Variants in CACNB2 observed in about 807,000 individuals in gnomAD.
CACNB2 encodes calcium voltage-gated channel auxiliary subunit beta 2, also known as voltage-dependent L-type calcium channel subunit beta-2.
In CACNB2, 42 loss-of-function variants were observed where a neutral mutation model predicts 73.3. The observed-to-expected ratio is 0.57, with a 90% CI of 0.45 to 0.74. The LOEUF (loss-of-function observed/expected upper bound fraction) is 0.74. Among genes scored for constraint, CACNB2 ranks in the 30% least tolerant of loss-of-function variants. CACNB2 has a pLI of 0.00. For synonymous variants in CACNB2, 348 were observed against 310.3 expected, an observed-to-expected ratio of 1.12 and a Z score of -1.28; for missense variants, 940 against 853.0, an observed-to-expected ratio of 1.10 and a Z score of -1.27.
intron 2 of CACNB2, among the ~76,000 whole-genome samples, chr10:18,393,284 A>G (rs2043569184): frequency 1.3e-5 from 2 of 152,202 alleles, no homozygotes; most frequent in African/African-American, 4.8e-5. Context: ...ACATACACAT[A>G]CATAATGTTC....
At chr10:18,513,932 A>C (rs1318577760) in intron 6 of CACNB2, among the ~76,000 whole-genome samples, 1 of 152,260 alleles carries the variant, frequency 6.6e-6, no homozygotes, top group Non-Finnish European at 1.5e-5. Context: ...GTTGATACAG[A>C]GAAAATCAAC....
At chr10:18,379,876 G>A (rs113848950) in intron 2 of CACNB2, among the ~76,000 whole-genome samples, 2 of 151,878 alleles carry the variant, frequency 1.3e-5, no homozygotes, top group South Asian at 2.1e-4. Context: ...CTGTGGAGAC[G>A]GAATTTCACC....
At chr10:18,174,434 G>C (rs1024734120) in intron 2 of CACNB2, among the ~76,000 whole-genome samples, 3 of 118,740 alleles carry the variant, frequency 2.5e-5, no homozygotes, top group Non-Finnish European at 5.2e-5. Flanking sequence ...CTTGAGTTTT[G>C]CTCTTGCCGC....
chr10:18,526,418 C>T (rs2052475218), intron 9 of CACNB2, among the ~76,000 whole-genome samples: 1 of 152,118 alleles, frequency 6.6e-6, no homozygotes, highest in South Asian at 2.1e-4. Flanking sequence ...GGGTCTTGTA[C>T]CACACAGGAA....
In CACNB2 at chr10:18,539,315, T is replaced by TCAAGAAATCCC; in HGVS notation, c.1575_1585dup (p.Gln529ProfsTer44). 6.2e-7 allele frequency: 1 copy of TCAAGAAATCCC among 1,613,656 alleles called. No homozygotes were observed. The highest frequency in any genetic ancestry group is 8.5e-7 in the Non-Finnish European group (1 of 1,179,914). On this transcript the variant is annotated frameshift_variant, in exon 14 of 14. Transcript: ENST00000324631. LOFTEE classifies it high-confidence loss of function. ...GAAGAAGAACCTAGTGTGGAACCAG[T>TCAAGAAATCCC]CAAGAAATCCCAGCACCGCTCTTCC... is the stretch of plus-strand genomic sequence containing the variant.
At chr10:18,189,512 AC>A (rs140614849) in intron 2 of CACNB2, among the ~76,000 whole-genome samples, 3,248 of 152,278 alleles carry the variant, frequency 0.021, 108 homozygotes, top group African/African-American at 0.075. Context: ...TAAGTTGAAT[AC>A]TGTGAACCCT....
In CACNB2 at chr10:18,231,685, T is replaced by G. The variant is rs575029370; in HGVS notation, c.213+80710T>G. Reference sequence around the variant, plus strand: ...ACAGCTGTACCTTTAAAATAGAAACTTGCTGTCCTGGATCTATGTGATTCA... The same window carrying G: ...ACAGCTGTACCTTTAAAATAGAAACGTGCTGTCCTGGATCTATGTGATTCA... On this transcript the variant is annotated intron_variant, in intron 2 of 13. Transcript: ENST00000324631. Among the ~76,000 whole-genome samples the G allele has an allele frequency of 1.8e-3, 276 of 152,298 alleles. 2 individuals carry two copies. Among genetic ancestry groups the G allele is most frequent in the Non-Finnish European group, 3.6e-3 (245 of 68,014 alleles).
At chr10:18,421,693 C>T (rs1219858480) in intron 3 of CACNB2, among the ~76,000 whole-genome samples, 5 of 152,044 alleles carry the variant, frequency 3.3e-5, no homozygotes, top group African/African-American at 1.2e-4. Flanking sequence ...GAGCCTTCTC[C>T]AAAAAATAGC....
In CACNB2 at chr10:18,168,439, C is replaced by T. The variant is rs142592567; in HGVS notation, c.213+17464C>T. 9.9e-5 allele frequency among the ~76,000 whole-genome samples: 15 copies of T among 152,220 alleles called. No homozygotes were observed. In the East Asian group the frequency reaches 2.9e-3, roughly 29 times the overall value. Reference sequence around the variant, plus strand: ...GTATCTTACTTAAAGAGCCTTCATTCTGCAAAAACAGATGATTTCTTGATA... The same window carrying T: ...GTATCTTACTTAAAGAGCCTTCATTTTGCAAAAACAGATGATTTCTTGATA... On this transcript the variant is annotated intron_variant, in intron 2 of 13. Transcript: ENST00000324631.
At chr10:18,233,435 G>A (rs2036300117) in intron 2 of CACNB2, among the ~76,000 whole-genome samples, 1 of 150,598 alleles carries the variant, frequency 6.6e-6, no homozygotes, top group South Asian at 2.1e-4. Flanking sequence ...CTAGTCTCTA[G>A]TGGAAACATC....
At chr10:18,455,475 G>A (rs2047233828) in intron 3 of CACNB2, among the ~76,000 whole-genome samples, 1 of 151,700 alleles carries the variant, frequency 6.6e-6, no homozygotes, top group African/African-American at 2.4e-5. Context: ...TGCTATTGCT[G>A]TTGTTGGAGG....
intron 10 of CACNB2, among the ~76,000 whole-genome samples, chr10:18,531,416 T>C (rs2053018841): frequency 6.6e-6 from 1 of 152,192 alleles, no homozygotes; most frequent in African/African-American, 2.4e-5. Flanking sequence ...CCATCACTGA[T>C]GGGCCTTTAG....
At chr10:18,533,097 C>G (rs192333981) in intron 10 of CACNB2, 1 of 152,072 alleles carries the variant, frequency 6.6e-6, no homozygotes, top group Non-Finnish European at 1.5e-5. Context: ...AAGAATCCAA[C>G]GGCCTAAGAG....
intron 2 of CACNB2, among the ~76,000 whole-genome samples, chr10:18,381,786 G>T (rs973175345): frequency 2.0e-5 from 3 of 151,734 alleles, no homozygotes; most frequent in Non-Finnish European, 4.4e-5. Flanking sequence ...TGTTGTGTTC[G>T]TATATTACAT....
intron 3 of CACNB2, among the ~76,000 whole-genome samples, chr10:18,460,291 C>T (rs1317245110): frequency 6.6e-6 from 1 of 151,916 alleles, no homozygotes; most frequent in Non-Finnish European, 1.5e-5. Context: ...CCAATGTATT[C>T]AACTTCTGTT....
chr10:18,516,513 C>G (rs926845801), intron 7 of CACNB2, among the ~76,000 whole-genome samples: 1 of 152,172 alleles, frequency 6.6e-6, no homozygotes, highest in African/African-American at 2.4e-5. Flanking sequence ...AATTTACATT[C>G]ATAATTTCAA....
chr10:18,519,902 C>T, intron 9 of CACNB2: 1 of 361,746 alleles, frequency 2.8e-6, no homozygotes, highest in Non-Finnish European at 5.4e-6. Flanking sequence ...CAGTAGTTGA[C>T]ATGGTGGATT....
At chr10:18,180,458 T>C (rs2033816418) in intron 2 of CACNB2, among the ~76,000 whole-genome samples, 1 of 152,026 alleles carries the variant, frequency 6.6e-6, no homozygotes, top group African/African-American at 2.4e-5. Context: ...TGCCTTTTTT[T>C]TTTTTTAAGG....
chr10:18,284,208 C>A (rs1476197136), intron 2 of CACNB2, among the ~76,000 whole-genome samples: 1 of 152,144 alleles, frequency 6.6e-6, no homozygotes, highest in African/African-American at 2.4e-5. Flanking sequence ...AGTTAACAGG[C>A]AAAGAGATAA....
Sources: gnomAD v4.1 joint callset for allele counts (sites outside exome capture counted in the v4.1 genomes callset) on GRCh38, gnomAD v4.1.1 for gene constraint, MANE v1.5 for transcripts, NCBI Gene and HGNC (gene_info 2026-07-23, HGNC 2026-07-21) for gene names.